SPAG16: variants seen among roughly 807,000 people sequenced by gnomAD.
The protein encoded by SPAG16 is sperm-associated antigen 16 protein.
A neutral mutation model predicts 80.4 loss-of-function variants in SPAG16; 86 were observed. That is an observed-to-expected ratio of 1.07 (90% CI 0.90 to 1.28). The LOEUF is 1.28. SPAG16 is among the 50% of genes most tolerant of loss of function. The pLI, the probability that SPAG16 is intolerant of heterozygous loss-of-function variation, is 0.00. For missense variants in SPAG16, 870 were observed against 765.3 expected (o/e 1.14, Z -1.61); for synonymous variants, 294 against 265.9 (o/e 1.11, Z -1.03).
chr2:214,085,018 G>A (rs1449735384), intron 13 of SPAG16, among the ~76,000 whole-genome samples: 4 of 152,156 alleles, frequency 2.6e-5, no homozygotes, highest in Non-Finnish European at 5.9e-5. Flanking sequence ...GAGGGAGTTG[G>A]AAGAAATGCT....
In SPAG16 at chr2:214,173,198, G is replaced by C. The variant is rs1001871786; in HGVS notation, c.1720+23932G>C. Among the ~76,000 whole-genome samples the C allele has an allele frequency of 3.0e-4, 45 of 151,940 alleles. No homozygotes were observed. The East Asian group carries it at 3.3e-3, about 11-fold the overall frequency. On this transcript the variant is annotated intron_variant, in intron 15 of 15. Coordinates refer to ENST00000331683, the MANE Select transcript of SPAG16 (RefSeq NM_024532.5). ...ATGCCTATGTCCTGAATGGTAATGC[G>C]TAGGTTTTCTTCTAGGGTTTTTATG...
intron 13 of SPAG16, among the ~76,000 whole-genome samples, chr2:214,039,148 C>T (rs1299535353): frequency 6.6e-6 from 1 of 152,210 alleles, no homozygotes; most frequent in African/African-American, 2.4e-5. Flanking sequence ...AACTAGTTTA[C>T]AGTCCCACCA....
intron 10 of SPAG16, among the ~76,000 whole-genome samples, chr2:213,646,261 G>C (rs1017457785): frequency 2.0e-5 from 3 of 152,148 alleles, no homozygotes; most frequent in African/African-American, 7.2e-5. Flanking sequence ...CTTCAGTGTA[G>C]ATAGCTGTTA....
intron 15 of SPAG16, among the ~76,000 whole-genome samples, chr2:214,310,275 G>A (rs771688347): frequency 9.2e-5 from 14 of 151,750 alleles, no homozygotes; most frequent in African/African-American, 3.1e-4. Flanking sequence ...TGGCTTCTGG[G>A]TGCTTTTAGA....
chr2:213,447,661 T>C (rs779157893), intron 9 of SPAG16, among the ~76,000 whole-genome samples: 2 of 152,230 alleles, frequency 1.3e-5, no homozygotes, highest in Non-Finnish European at 2.9e-5. Flanking sequence ...ATTCAAACAT[T>C]CTGCTTTGTT....
chr2:213,672,094 T>C (rs2063831462), intron 10 of SPAG16, among the ~76,000 whole-genome samples: 1 of 152,180 alleles, frequency 6.6e-6, no homozygotes, highest in African/African-American at 2.4e-5. Context: ...TATTATGGAC[T>C]GTGGAAATGA....
intron 10 of SPAG16, among the ~76,000 whole-genome samples, chr2:213,841,338 G>A (rs1365758732): frequency 1.3e-5 from 2 of 152,162 alleles, no homozygotes; most frequent in African/African-American, 4.8e-5. Context: ...GTACATGGTA[G>A]TGCCAGGAAA....
chr2:213,306,994 G>C (rs1015074781), intron 3 of SPAG16, among the ~76,000 whole-genome samples: 5 of 152,058 alleles, frequency 3.3e-5, no homozygotes, highest in Non-Finnish European at 5.9e-5. Context: ...GTTCCTGCAG[G>C]GTTAATGATC....
At chr2:213,869,775 C>T (rs2075877709) in intron 11 of SPAG16, among the ~76,000 whole-genome samples, 1 of 151,818 alleles carries the variant, frequency 6.6e-6, no homozygotes, top group South Asian at 2.1e-4. Context: ...GTAAAACCAA[C>T]CTTGCAAGTA....
chr2:213,413,915 A>G (rs1434261103), intron 9 of SPAG16, among the ~76,000 whole-genome samples: 1 of 152,292 alleles, frequency 6.6e-6, no homozygotes, highest in Non-Finnish European at 1.5e-5. Flanking sequence ...AAACAAAGTT[A>G]TGACAGATTG....
chr2:213,474,330 C>T (rs1489035799), intron 9 of SPAG16, among the ~76,000 whole-genome samples: 2 of 152,160 alleles, frequency 1.3e-5, no homozygotes, highest in Non-Finnish European at 2.9e-5. Flanking sequence ...TCGTTCTCTA[C>T]AGGAGATAGG....
At chr2:213,629,703 G>A (rs1403579451) in intron 10 of SPAG16, among the ~76,000 whole-genome samples, 1 of 152,222 alleles carries the variant, frequency 6.6e-6, no homozygotes, top group Non-Finnish European at 1.5e-5. Flanking sequence ...GTGCTGATAT[G>A]AAAGCTACTT....
At chr2:213,626,746 C>A (rs2061976530) in intron 10 of SPAG16, among the ~76,000 whole-genome samples, 1 of 145,402 alleles carries the variant, frequency 6.9e-6, no homozygotes, top group Non-Finnish European at 1.5e-5. Flanking sequence ...CTCCTGAGTT[C>A]AAGCAATTCT....
intron 12 of SPAG16, among the ~76,000 whole-genome samples, chr2:213,948,603 A>G (rs189013271): frequency 3.3e-5 from 5 of 152,204 alleles, no homozygotes; most frequent in African/African-American, 1.2e-4. Flanking sequence ...AATTTGTTCT[A>G]TGTCATTAAG....
At chr2:214,047,974 C>T (rs1055324439) in intron 13 of SPAG16, among the ~76,000 whole-genome samples, 1 of 152,104 alleles carries the variant, frequency 6.6e-6, no homozygotes, top group Admixed American at 6.5e-5. Flanking sequence ...AAGTGCAAAT[C>T]AATGCTACAA....
chr2:213,500,142 G>A (rs1443226344), intron 10 of SPAG16, among the ~76,000 whole-genome samples: 1 of 152,044 alleles, frequency 6.6e-6, no homozygotes, highest in Non-Finnish European at 1.5e-5. Flanking sequence ...TGGGGAATGA[G>A]GATACACCTG....
chr2:213,794,740 T>A (rs1003675948), intron 10 of SPAG16, among the ~76,000 whole-genome samples: 5 of 141,152 alleles, frequency 3.5e-5, no homozygotes, highest in African/African-American at 1.2e-4. Flanking sequence ...ACAATAACTC[T>A]TCGAAAAATA....
chr2:214,355,350 A>C (rs1012700069), intron 15 of SPAG16, among the ~76,000 whole-genome samples: 1 of 137,108 alleles, frequency 7.3e-6, no homozygotes, highest in Non-Finnish European at 1.6e-5. Context: ...ACCCCATCAA[A>C]AAGTGGGCGA....
chr2:213,334,675 G>A (rs747711573), intron 5 of SPAG16, among the ~76,000 whole-genome samples: 9 of 152,142 alleles, frequency 5.9e-5, no homozygotes, highest in Admixed American at 6.6e-5. Context: ...ACTGAAGGTC[G>A]TTATGTTAAG....
Sources: gnomAD v4.1 joint callset for allele counts (sites outside exome capture counted in the v4.1 genomes callset) on GRCh38, gnomAD v4.1.1 for gene constraint, MANE v1.5 for transcripts, NCBI Gene and HGNC (gene_info 2026-07-23, HGNC 2026-07-21) for gene names.